The following MAPK10 variants were observed in gnomAD, a reference collection of about 807,000 sequenced individuals.
The protein encoded by MAPK10 is mitogen-activated protein kinase 10.
Under a neutral mutation model 59.3 loss-of-function variants are expected in MAPK10, and 25 were observed. The observed-to-expected ratio is 0.42, with a 90% CI of 0.31 to 0.59. The LOEUF (loss-of-function observed/expected upper bound fraction) is 0.59. Ranked by LOEUF, MAPK10 falls within the 20% of genes least tolerant of loss-of-function variation. The pLI is 0.15. For synonymous variants in MAPK10, 190 were observed against 200.5 expected, an observed-to-expected ratio of 0.95 and a Z score of 0.44; for missense variants, 351 against 568.9, an observed-to-expected ratio of 0.62 and a Z score of 3.90.
chr4:86,528,583 G>C (rs1757644601), intron 1 of MAPK10, among the ~76,000 whole-genome samples: 1 of 152,112 alleles, frequency 6.6e-6, no homozygotes, highest in Non-Finnish European at 1.5e-5. Context: ...CCAGGCTCAA[G>C]TGCTACAGCT....
intron 2 of MAPK10, among the ~76,000 whole-genome samples, chr4:86,210,497 A>G (rs1447096331): frequency 6.6e-6 from 1 of 152,020 alleles, no homozygotes; most frequent in East Asian, 1.9e-4. Context: ...AAAGGAAACT[A>G]AAAGTATTTA....
At chr4:86,353,719 T>C (rs778597619) in intron 2 of MAPK10, among the ~76,000 whole-genome samples, 25 of 152,310 alleles carry the variant, frequency 1.6e-4, no homozygotes, top group Non-Finnish European at 2.4e-4. Context: ...TCTACAGTTA[T>C]ATAAGCCACT....
intron 1 of MAPK10, among the ~76,000 whole-genome samples, chr4:86,564,761 A>G (rs1760936139): frequency 1.3e-5 from 2 of 152,116 alleles, no homozygotes; most frequent in Non-Finnish European, 2.9e-5. Flanking sequence ...CAAAGCTCGG[A>G]AAAGGGTGCA....
Position 86,489,881 on chromosome 4 carries a change from T to C in MAPK10, c.-263+104029A>G, listed in dbSNP as rs141351546. Reference sequence around the variant, plus strand: ...CCTGAGTCTCTTCCAACTCATTCTCTGAACACTTAAGCTCTTCAAAGGGCC... The same window carrying C: ...CCTGAGTCTCTTCCAACTCATTCTCCGAACACTTAAGCTCTTCAAAGGGCC... On this transcript the variant is annotated intron_variant, in intron 1 of 4. Transcript: ENST00000502302. Among the ~76,000 whole-genome samples, 249 of 152,350 alleles carry C rather than the reference T, an allele frequency of 1.6e-3. 4 individuals are homozygous for C. Among genetic ancestry groups the C allele is most frequent in the African/African-American group, 5.6e-3 (231 of 41,580 alleles).
At position 86,505,267 on chromosome 4, in the gene MAPK10, A is replaced by C. The variant is rs930677211; in HGVS notation, c.-263+88643T>G. Among the ~76,000 whole-genome samples the C allele has an allele frequency of 2.0e-5, 3 of 152,140 alleles. No individual in the cohort carries two copies. In the East Asian group the frequency reaches 5.8e-4, roughly 29 times the overall value. On this transcript the variant is annotated intron_variant, in intron 1 of 4. Transcript: ENST00000502302. ...CCTTTCAGCATCATGCAATATGCCC[A>C]TATAACCTGCCCATGTACCCCCTGA...
upstream of MAPK10, among the ~76,000 whole-genome samples, chr4:86,361,987 TATAGTTAATA>T (rs1737064556): frequency 6.6e-6 from 1 of 152,150 alleles, no homozygotes; most frequent in African/African-American, 2.4e-5. Flanking sequence ...GCACAGTGAC[TATAGTTAATA>T]ATAATGTTGC....
chr4:86,161,990 C>A (rs1014131206), intron 3 of MAPK10, among the ~76,000 whole-genome samples: 2 of 151,948 alleles, frequency 1.3e-5, no homozygotes, highest in Admixed American at 6.6e-5. Context: ...ATTCATGTCA[C>A]TTATCTCTCA....
At chr4:86,358,366 T>G (rs1323646381) in intron 1 of MAPK10, 2 of 985,324 alleles carry the variant, frequency 2.0e-6, no homozygotes, top group Non-Finnish European at 2.4e-6. Context: ...CAATGCCTGG[T>G]GCACTTACAC....
At chr4:86,141,473 CAGA>C (rs1490737032) in intron 4 of MAPK10, among the ~76,000 whole-genome samples, 1 of 152,082 alleles carries the variant, frequency 6.6e-6, no homozygotes, top group Admixed American at 6.6e-5. Flanking sequence ...TCTTTCTAGC[CAGA>C]AGAAGTTTAA....
chr4:86,014,906 G>A lies in MAPK10; in HGVS notation c.*2322C>T, dbSNP rs535736581. On this transcript the variant is annotated 3_prime_UTR_variant, in exon 14 of 14. Transcript: ENST00000641462. ...TCCTGCTCTCCGCACTTAATCCCAT[G>A]TGGTATAAAGTAAGGGAGGGGAGAA... is the stretch of plus-strand genomic sequence containing the variant. 1 of 151,664 alleles carries A rather than the reference G, an allele frequency of 6.6e-6. No homozygotes were observed. The highest frequency in any genetic ancestry group is 2.1e-4 in the South Asian group (1 of 4,784). 9.4% of individuals were successfully genotyped at this position (151,664 alleles called of 1,614,324 possible). A position where few individuals can be genotyped will look rare whatever the true frequency, so the allele number is the denominator to read the frequency against.
At chr4:86,235,694 G>A (rs1442001358) in intron 2 of MAPK10, among the ~76,000 whole-genome samples, 1 of 152,100 alleles carries the variant, frequency 6.6e-6, no homozygotes, top group Non-Finnish European at 1.5e-5. Context: ...CAAGCAAATA[G>A]TTACAATACT....
intron 1 of MAPK10, among the ~76,000 whole-genome samples, chr4:86,465,620 G>A (rs919570523): frequency 5.3e-5 from 8 of 152,190 alleles, no homozygotes; most frequent in Admixed American, 2.0e-4. Context: ...GGAGAGATCC[G>A]ATAACAAAAA....
At position 86,118,610 on chromosome 4, in the gene MAPK10, ACACAC is replaced by A. The variant is rs775988914; in HGVS notation, c.237-11263_237-11259del. On this transcript the variant is annotated intron_variant, in intron 4 of 13. Coordinates refer to ENST00000641462, the MANE Select transcript of MAPK10 (RefSeq NM_138982.4). ...CACACACACACACACACACACACAC[ACACAC>A]ATCTCTGAAGGCAAATCTTGTTCTC... Among the ~76,000 whole-genome samples, 543 of 150,176 alleles carry A rather than the reference ACACAC, an allele frequency of 3.6e-3. 11 individuals carry two copies. The highest frequency in any genetic ancestry group is 1.1e-3 in the Non-Finnish European group (74 of 67,922).
intron 2 of MAPK10, among the ~76,000 whole-genome samples, chr4:86,230,125 C>T (rs2091326365): frequency 6.6e-6 from 1 of 152,222 alleles, no homozygotes; most frequent in Admixed American, 6.5e-5. Flanking sequence ...TGAAAATAAT[C>T]AATCATGCCT....
At chr4:86,317,954 T>C (rs770189983) in intron 2 of MAPK10, among the ~76,000 whole-genome samples, 4 of 152,190 alleles carry the variant, frequency 2.6e-5, no homozygotes, top group Non-Finnish European at 1.5e-5. Flanking sequence ...CCAGCAATCC[T>C]TGGAGTTCTC....
rs890811652 is a variant in MAPK10 at position 86,010,762 on chromosome 4, T to C, written c.*6466A>G. 1.3e-5 allele frequency: 2 copies of C among 152,198 alleles called. No individual in the cohort carries two copies. Among genetic ancestry groups the C allele is most frequent in the African/African-American group, 4.8e-5 (2 of 41,452 alleles). 9.4% of individuals were successfully genotyped at this position (152,198 alleles called of 1,614,324 possible). ...TTCATAGGCAATATTTTCACCAGGA[T>C]GGGTTCACAAGTGTTAATGGAAGGC... On this transcript the variant is annotated 3_prime_UTR_variant, in exon 14 of 14. Coordinates refer to ENST00000641462, the MANE Select transcript of MAPK10 (RefSeq NM_138982.4).
chr4:86,063,043 A>C (rs1318767054), intron 11 of MAPK10, among the ~76,000 whole-genome samples: 4 of 152,198 alleles, frequency 2.6e-5, no homozygotes. Context: ...CTTAAACAAA[A>C]TGTAGTGCAG....
rs147790889 is a variant in MAPK10, at chr4:86,266,267, GT to G, written c.-6-71861del. ...AATAAGCCAATCACAGTAAGATTTG[GT>G]TTTTCTGGAGTCAAAAGGCCTTGGT... On this transcript the variant is annotated intron_variant, in intron 2 of 13. Coordinates refer to ENST00000641462, the MANE Select transcript of MAPK10 (RefSeq NM_138982.4). 7.5e-3 allele frequency among the ~76,000 whole-genome samples: 1,148 copies of G among 152,210 alleles called. 14 individuals carry two copies. The highest frequency in any genetic ancestry group is 0.026 in the African/African-American group (1,060 of 41,540).
chr4:86,295,122 G>A lies in MAPK10; in HGVS notation c.-7+59408C>T, dbSNP rs1020189952. Among the ~76,000 whole-genome samples, 8 of 152,216 alleles carry A rather than the reference G, an allele frequency of 5.3e-5. No individual in the cohort carries two copies. In the South Asian group the frequency reaches 1.2e-3, roughly 24 times the overall value. ...TGAAAATGTCAACGCCATCCAAAGC[G>A]GTTTAATTACGTGTTAGGACACAGC... On this transcript the variant is annotated intron_variant, in intron 2 of 13. Coordinates refer to ENST00000641462, the MANE Select transcript of MAPK10 (RefSeq NM_138982.4).
Sources: allele counts gnomAD v4.1 joint callset (sites outside exome capture counted in the v4.1 genomes callset), GRCh38; gene constraint gnomAD v4.1.1; transcripts MANE v1.5; gene names NCBI Gene and HGNC (gene_info 2026-07-23, HGNC 2026-07-21).